PLEKHA7: variants seen among roughly 807,000 people sequenced by gnomAD.
PLEKHA7 encodes the protein pleckstrin homology domain containing A7.
PLEKHA7 carries 104 observed loss-of-function variants against 170.0 expected under a neutral mutation model. The observed-to-expected ratio is 0.61, with a 90% confidence interval of 0.52 to 0.72. The LOEUF is 0.72. PLEKHA7 is among the 30% of genes least tolerant of loss of function. PLEKHA7 has a pLI of 0.00. For missense variants in PLEKHA7, 1,615 were observed against 1,671.7 expected (o/e 0.97, Z 0.59); for synonymous variants, 648 against 660.8 (o/e 0.98, Z 0.30).
chr11:16,990,978 T>C lies in PLEKHA7; in HGVS notation c.221+23011A>G, dbSNP rs529031943. Among the ~76,000 whole-genome samples the C allele has an allele frequency of 6.6e-5, 10 of 152,332 alleles. No individual in the cohort carries two copies. The South Asian group carries it at 2.1e-3, about 32-fold the overall frequency. ...GGTAAGCCAACCCATTTTAATTCAC[T>C]GTTGTCATTGTGGGCAGATGAGATA... is the stretch of plus-strand genomic sequence containing the variant. On this transcript the variant is annotated intron_variant, in intron 3 of 26. Coordinates refer to ENST00000531066, the MANE Select transcript of PLEKHA7 (RefSeq NM_001329630.2).
At chr11:16,867,499 C>T (rs1277505727) in intron 4 of PLEKHA7, among the ~76,000 whole-genome samples, 1 of 152,148 alleles carries the variant, frequency 6.6e-6, no homozygotes, top group Non-Finnish European at 1.5e-5. Flanking sequence ...CCACCCAAGA[C>T]ATTAGTCTGA....
chr11:16,967,486 CAG>C (rs1354589240), intron 3 of PLEKHA7, among the ~76,000 whole-genome samples: 3 of 152,230 alleles, frequency 2.0e-5, no homozygotes, highest in African/African-American at 7.2e-5. Context: ...CTCTGCCACA[CAG>C]GGGAAGGTGA....
intron 3 of PLEKHA7, among the ~76,000 whole-genome samples, chr11:16,929,699 T>C (rs995680505): frequency 6.6e-6 from 1 of 152,246 alleles, no homozygotes; most frequent in Non-Finnish European, 1.5e-5. Flanking sequence ...TAGGGGATTA[T>C]TATTTAATGA....
chr11:16,951,831 G>T (rs745881612), intron 3 of PLEKHA7, among the ~76,000 whole-genome samples: 5 of 152,228 alleles, frequency 3.3e-5, no homozygotes, highest in Non-Finnish European at 7.3e-5. Flanking sequence ...TAAAGTGCTG[G>T]TGAAGGTTTA....
intron 3 of PLEKHA7, among the ~76,000 whole-genome samples, chr11:16,999,391 C>T (rs922334041): frequency 3.9e-5 from 6 of 151,998 alleles, no homozygotes; most frequent in Non-Finnish European, 8.8e-5. Context: ...TGGAGCTGCA[C>T]ACCTACCCCC....
At chr11:16,824,462 C>T (rs555756331) in intron 10 of PLEKHA7, among the ~76,000 whole-genome samples, 2 of 152,242 alleles carry the variant, frequency 1.3e-5, no homozygotes, top group South Asian at 2.1e-4. Flanking sequence ...CCCCAGTTAC[C>T]CTGTGATTAT....
intron 3 of PLEKHA7, among the ~76,000 whole-genome samples, chr11:16,973,934 G>A (rs1360154219): frequency 6.6e-6 from 1 of 152,160 alleles, no homozygotes; most frequent in Non-Finnish European, 1.5e-5. Flanking sequence ...GGACATTCCT[G>A]CCATTGTCTT....
At chr11:17,007,879 GA>G (rs1292588012) in intron 3 of PLEKHA7, among the ~76,000 whole-genome samples, 15 of 152,130 alleles carry the variant, frequency 9.9e-5, no homozygotes, top group African/African-American at 3.4e-4. Flanking sequence ...CCGGCCTAAA[GA>G]TATTCAGTTG....
chr11:16,994,142 G>A (rs1347426684), intron 3 of PLEKHA7, among the ~76,000 whole-genome samples: 2 of 152,196 alleles, frequency 1.3e-5, no homozygotes, highest in Non-Finnish European at 2.9e-5. Context: ...CACAGGCCTG[G>A]AAGTCAGTCT....
intron 3 of PLEKHA7, among the ~76,000 whole-genome samples, chr11:16,892,987 C>A (rs1245468937): frequency 6.6e-6 from 1 of 152,152 alleles, no homozygotes; most frequent in Non-Finnish European, 1.5e-5. Context: ...CCCTAGGGCC[C>A]CTTTTATAGG....
intron 9 of PLEKHA7, among the ~76,000 whole-genome samples, 187 bp downstream of exon 9, chr11:16,841,360 G>A (rs1462484860): frequency 6.6e-6 from 1 of 152,164 alleles, no homozygotes; most frequent in African/African-American, 2.4e-5. Flanking sequence ...TTCCATGGCT[G>A]TGGATCCCAG....
chr11:16,872,460 A>C (rs188686154), intron 3 of PLEKHA7, among the ~76,000 whole-genome samples: 2 of 152,350 alleles, frequency 1.3e-5, no homozygotes, highest in Admixed American at 6.5e-5. Flanking sequence ...ACATAGAAAA[A>C]GTCCTATATT....
chr11:17,000,851 C>T (rs1864622331), intron 3 of PLEKHA7, among the ~76,000 whole-genome samples: 1 of 152,170 alleles, frequency 6.6e-6, no homozygotes, highest in Admixed American at 6.5e-5. Context: ...TTTGTAAACA[C>T]CATGTGGCAC....
At chr11:17,013,948 C>CA in intron 3 of PLEKHA7, 41 bp downstream of exon 3, 4 of 1,507,114 alleles carry the variant, frequency 2.7e-6, no homozygotes, top group East Asian at 5.6e-5. Context: ...GGACCCCCCC[C>CA]CCGCGGCACA....
At chr11:16,919,110 AGGCTGAGG>A (rs1396507109) in intron 3 of PLEKHA7, among the ~76,000 whole-genome samples, 1 of 152,202 alleles carries the variant, frequency 6.6e-6, no homozygotes, top group Non-Finnish European at 1.5e-5. Flanking sequence ...GCTACCTGGG[AGGCTGAGG>A]CAGGAGAATC....
intron 3 of PLEKHA7, among the ~76,000 whole-genome samples, chr11:16,986,010 A>C (rs1369889143): frequency 1.3e-5 from 2 of 152,234 alleles, no homozygotes; most frequent in Non-Finnish European, 2.9e-5. Flanking sequence ...CCTGAGTCTT[A>C]AAGGATGCAT....
intron 15 of PLEKHA7, 128 bp downstream of exon 15, chr11:16,802,844 T>C: frequency 1.2e-6 from 1 of 844,044 alleles, no homozygotes; most frequent in South Asian, 1.6e-5. Context: ...CCGCACCTGG[T>C]GCATTTTTTT....
At chr11:16,845,377 C>T (rs1238425797) in intron 8 of PLEKHA7, among the ~76,000 whole-genome samples, 2 of 152,082 alleles carry the variant, frequency 1.3e-5, no homozygotes, top group African/African-American at 4.8e-5. Context: ...TTTTGCTTTG[C>T]TTTGTTTTGA....
At chr11:17,010,075 A>C (rs1180303718) in intron 3 of PLEKHA7, among the ~76,000 whole-genome samples, 1 of 152,142 alleles carries the variant, frequency 6.6e-6, no homozygotes, top group Non-Finnish European at 1.5e-5. Flanking sequence ...GCCTAACCTC[A>C]AGCTTTTCTG....
Sources: gnomAD v4.1 joint callset for allele counts (sites outside exome capture counted in the v4.1 genomes callset) on GRCh38, gnomAD v4.1.1 for gene constraint, MANE v1.5 for transcripts, NCBI Gene and HGNC (gene_info 2026-07-23, HGNC 2026-07-21) for gene names.